The following KCNH6 variants were observed in gnomAD, a reference collection of about 807,000 sequenced individuals.
KCNH6 encodes voltage-gated inwardly rectifying potassium channel KCNH6.
KCNH6 carries 81 observed loss-of-function variants against 83.4 expected under a neutral mutation model. That is an observed-to-expected ratio of 0.97 (90% CI 0.81 to 1.17). The LOEUF (loss-of-function observed/expected upper bound fraction) is 1.17, where lower values mean the gene tolerates loss of function less well. Ranked by LOEUF, KCNH6 falls within the 50% of genes most tolerant of loss-of-function variation. The pLI is 0.00. For synonymous variants in KCNH6, 503 were observed against 545.6 expected (o/e 0.92, Z 1.09); for missense variants, 1,203 against 1,290.5 (o/e 0.93, Z 1.04).
At position 63,535,721 on chromosome 17, in the gene KCNH6, G is replaced by C. The variant is rs771497152; in HGVS notation, c.1154G>C (p.Arg385Pro). The C allele has an allele frequency of 6.2e-7, 1 of 1,613,080 alleles. No homozygotes were observed. Among genetic ancestry groups the C allele is most frequent in the African/African-American group, 1.3e-5 (1 of 74,682 alleles). The change falls in exon 6 of 13, where the codon CGC becomes CCC. Residue 385 changes from arginine (R) to proline (P), a missense_variant. Transcript: ENST00000314672. This position sits in a 1 kb window ranked among gnomAD's most constrained non-coding sequence, Gnocchi z 4.9. ...LKTARLLRLV[R>P]VARKLDRYSE... ...ACAGCGCGGCTGCTGCGGCTGGTGC[G>C]CGTAGCACGGAAGCTGGACCGCTAC...
At chr17:63,531,212 T>G (rs948871331) in intron 4 of KCNH6, among the ~76,000 whole-genome samples, 26 of 152,164 alleles carry the variant, frequency 1.7e-4, no homozygotes, top group Admixed American at 1.6e-3. Context: ...CCCTGACCAT[T>G]CCAGAGGGAA....
intron 2 of KCNH6, among the ~76,000 whole-genome samples, chr17:63,526,164 T>C (rs1286001052): frequency 6.6e-6 from 1 of 152,072 alleles, no homozygotes; most frequent in Non-Finnish European, 1.5e-5. Context: ...TCGGTGAAAA[T>C]GGGAAATTGC....
intron 2 of KCNH6, among the ~76,000 whole-genome samples, chr17:63,527,434 A>G (rs551892269): frequency 7.9e-5 from 12 of 152,284 alleles, no homozygotes; most frequent in African/African-American, 2.4e-4. Flanking sequence ...GTGCTGGGAA[A>G]CTGAACGAAG....
chr17:63,528,937 C>T (rs900819238), intron 2 of KCNH6, among the ~76,000 whole-genome samples: 13 of 152,112 alleles, frequency 8.5e-5, no homozygotes, highest in Admixed American at 3.3e-4. Context: ...TGGGTTCAAG[C>T]GATTCTCCTG....
chr17:63,544,057 G>T, intron 10 of KCNH6, 192 bp from the exon 11 acceptor site: 1 of 1,604,896 alleles, frequency 6.2e-7, no homozygotes, highest in Non-Finnish European at 8.5e-7. Context: ...AAGGGCTACA[G>T]CCTCCTGGGT....
chr17:63,535,952 A>G lies in KCNH6; in HGVS notation c.1385A>G (p.Lys462Arg). ...DPASGPSVQD[K>R]YVTALYFTFS... The stretch of plus-strand genomic sequence containing the variant: ...GCCTCGGGCCCCTCGGTGCAGGACA[A>G]GTATGTCACAGCCCTCTACTTCACC... Residue 462 changes from lysine (K) to arginine (R), a missense_variant, in exon 6 of 13, where the codon AAG (lysine) becomes AGG (arginine). By Grantham distance (26) the Lys-to-Arg change is conservative. Coordinates refer to ENST00000314672, the MANE Select transcript of KCNH6 (RefSeq NM_001278919.2). This position sits in a 1 kb window ranked among gnomAD's most constrained non-coding sequence, Gnocchi z 4.9. The G allele has an allele frequency of 6.2e-7, 1 of 1,613,938 alleles. No homozygotes were observed. Among genetic ancestry groups the G allele is most frequent in the African/African-American group, 1.3e-5 (1 of 75,068 alleles).
Position 63,536,786 on chromosome 17 carries a change from C to T in KCNH6, c.1501+718C>T, listed in dbSNP as rs182341713. 1.7e-4 allele frequency among the ~76,000 whole-genome samples: 26 copies of T among 150,590 alleles called. No individual in the cohort carries two copies. The East Asian group carries it at 4.9e-3, about 29-fold the overall frequency. ...CCTGACCAACATGGTGAAACCCTGT[C>T]TCTACTAAAAATACAAAAATTAGCC... is the stretch of plus-strand genomic sequence containing the variant. On this transcript the variant is annotated intron_variant, in intron 6 of 12. Coordinates refer to ENST00000314672, the MANE Select transcript of KCNH6 (RefSeq NM_001278919.2).
intron 11 of KCNH6, 136 bp from the exon 12 acceptor site, chr17:63,544,942 T>A (rs1598016097): frequency 2.4e-6 from 2 of 834,674 alleles, no homozygotes; most frequent in East Asian, 4.9e-5. Context: ...TGGATCCCAG[T>A]AAGGAAATAG....
chr17:63,528,492 G>A (rs541423490), intron 2 of KCNH6, among the ~76,000 whole-genome samples: 25 of 152,324 alleles, frequency 1.6e-4, no homozygotes, highest in African/African-American at 6.0e-4. Context: ...TGGCTGTGAG[G>A]AGGGGCTGAG....
At chr17:63,541,381 C>T (rs2032853728) in intron 8 of KCNH6, among the ~76,000 whole-genome samples, 2 of 151,562 alleles carry the variant, frequency 1.3e-5, no homozygotes, top group Non-Finnish European at 2.9e-5. Context: ...CTCTGCCTCC[C>T]GGGTTCAAGT....
chr17:63,537,118 A>G (rs569554064), intron 6 of KCNH6, among the ~76,000 whole-genome samples: 4 of 152,162 alleles, frequency 2.6e-5, no homozygotes, highest in Non-Finnish European at 5.9e-5. Context: ...CCCACATTTC[A>G]TTCCCTTCTG....
At chr17:63,548,012 TC>T (rs1432476459), downstream of KCNH6, among the ~76,000 whole-genome samples, 2 of 149,266 alleles carry the variant, frequency 1.3e-5, no homozygotes, top group African/African-American at 4.9e-5. Context: ...ACACCTGTAA[TC>T]CCAGCACTTT....
At position 63,533,895 on chromosome 17, in the gene KCNH6, C is replaced by G. The variant is rs1396859503; in HGVS notation, c.685C>G (p.Leu229Val). 6.2e-7 allele frequency: 1 copy of G among 1,612,738 alleles called. No individual in the cohort carries two copies. The highest frequency in any genetic ancestry group is 1.7e-5 in the Admixed American group (1 of 59,962). The stretch of plus-strand genomic sequence containing the variant: ...CGGCCCCCACCCCCAGGTCCTGTCC[C>G]TGGGCGCGGATGTGCTGCCGGAGTA... ...VTEKVTQVLSLGADVLPEYKL... is the reference protein window; with the variant it reads ...VTEKVTQVLSVGADVLPEYKL... Residue 229 changes from leucine to valine, a missense_variant, in exon 5 of 13, where the codon CTG becomes GTG. Transcript: ENST00000314672. This position sits in a 1 kb window ranked among gnomAD's most constrained non-coding sequence, Gnocchi z 4.1.
At chr17:63,530,028 C>A in intron 2 of KCNH6, 63 bp from the exon 3 acceptor site, 1 of 1,566,670 alleles carries the variant, frequency 6.4e-7, no homozygotes, top group South Asian at 1.2e-5. Context: ...CTTCCCTAGC[C>A]AGGCCACTGC....
chr17:63,536,537 G>A (rs573564333), intron 6 of KCNH6, among the ~76,000 whole-genome samples: 2 of 152,014 alleles, frequency 1.3e-5, no homozygotes, highest in African/African-American at 2.4e-5. Context: ...CCAGCTACTC[G>A]GGAGGCTGAG....
chr17:63,524,294 GC>G lies in KCNH6; in HGVS notation c.234del (p.Val79CysfsTer4). On this transcript the variant is annotated frameshift_variant, in exon 2 of 13. Transcript: ENST00000314672. LOFTEE classifies it high-confidence loss of function. ...FLTGPNTPSSAVSRLAQALLG... is the reference protein window; with the variant it reads ...FLTGPNTPSSXVSRLAQALLG... ...CACAGGCCCCAACACACCAAGCAGC[GC>G]CGTGTCCCGCCTAGCGCAGGCCCTG... 1 of 1,613,976 alleles carries G rather than the reference GC, an allele frequency of 6.2e-7. No individual in the cohort carries two copies. Among genetic ancestry groups the G allele is most frequent in the Non-Finnish European group, 8.5e-7 (1 of 1,180,034 alleles).
intron 4 of KCNH6, 103 bp downstream of exon 4, chr17:63,530,645 A>T: frequency 1.0e-6 from 1 of 999,184 alleles, no homozygotes; most frequent in Non-Finnish European, 1.5e-6. Flanking sequence ...CGATAAAGAG[A>T]TCCTGCCTGT....
chr17:63,539,180 C>A (rs1203183784), intron 8 of KCNH6, among the ~76,000 whole-genome samples: 3 of 152,152 alleles, frequency 2.0e-5, no homozygotes, highest in Non-Finnish European at 4.4e-5. Flanking sequence ...AGTCACTTTG[C>A]CTCTCTGAGC....
In KCNH6 at chr17:63,530,224, C is replaced by T. The variant is rs149641745; in HGVS notation, c.441C>T (p.Arg147=). The T allele has an allele frequency of 1.5e-5, 24 of 1,614,050 alleles. No individual in the cohort carries two copies. In the Admixed American group the frequency reaches 3.3e-4, roughly 22 times the overall value. ...AKCSSRSLSQ[R]LLSQSFLGSE... is the part of the protein sequence containing the mutation. The stretch of plus-strand genomic sequence containing the variant: ...GCAGCAGCCGCAGCTTGTCCCAGCG[C>T]CTGTTGTCCCAGAGCTTCCTGGGCT... Residue 147 remains arginine, a synonymous_variant, in exon 3 of 13, where the codon CGC becomes CGT. Coordinates refer to ENST00000314672, the MANE Select transcript of KCNH6 (RefSeq NM_001278919.2).
Sources: allele counts gnomAD v4.1 joint callset (sites outside exome capture counted in the v4.1 genomes callset), GRCh38; gene constraint gnomAD v4.1.1; non-coding constraint Gnocchi (gnomAD v3.1); transcripts MANE v1.5; gene names NCBI Gene and HGNC (gene_info 2026-07-23, HGNC 2026-07-21).